Variants in TET3 observed in about 807,000 individuals in gnomAD.
TET3 encodes the protein tet methylcytosine dioxygenase 3.
Under a neutral mutation model 141.4 loss-of-function variants are expected in TET3, and 19 were observed. The ratio of observed to expected loss-of-function variants is 0.13; its 90% CI spans 0.09 to 0.20. The LOEUF (loss-of-function observed/expected upper bound fraction) is 0.20. Ranked by LOEUF, TET3 falls within the 10% of genes least tolerant of loss-of-function variation. The pLI, the probability that TET3 is intolerant of heterozygous loss-of-function variation, is 1.00. For synonymous variants in TET3, 1,043 were observed against 980.9 expected, an observed-to-expected ratio of 1.06 and a Z score of -1.18; for missense variants, 1,874 against 2,356.9, an observed-to-expected ratio of 0.80 and a Z score of 4.24.
At chr2:74,081,470 T>G (rs1689820305) in intron 6 of TET3, among the ~76,000 whole-genome samples, 1 of 152,214 alleles carries the variant, frequency 6.6e-6, no homozygotes, top group South Asian at 2.1e-4. Flanking sequence ...GACTTGATGC[T>G]GTGGTTCAGA....
Position 74,099,618 on chromosome 2 carries a change from T to TG in TET3, c.3604+12dup, listed in dbSNP as rs746574703. ...GGGCATTACGTCGGACCCAGGTGTG[T>TG]GGGGGGAGGGTGCCCGCTTGGAGTC... On this transcript the variant is annotated splice_region_variant and intron_variant, in intron 11 of 11. Transcript: ENST00000409262. 30 of 1,553,360 alleles carry TG rather than the reference T, an allele frequency of 1.9e-5. No individual in the cohort carries two copies. Among genetic ancestry groups the TG allele is most frequent in the Non-Finnish European group, 2.4e-5 (27 of 1,146,352 alleles).
At chr2:74,085,150 CAAAA>C (rs112733988) in intron 6 of TET3, among the ~76,000 whole-genome samples, 1 of 119,566 alleles carries the variant, frequency 8.4e-6, no homozygotes, top group Non-Finnish European at 1.9e-5. Context: ...TTTTCCACAG[CAAAA>C]AAAAAAAAAA....
At position 74,101,496 on chromosome 2, in the gene TET3, G is replaced by A. The variant is rs562883064; in HGVS notation, c.4708G>A (p.Ala1570Thr). 1.4e-4 allele frequency: 227 copies of A among 1,612,714 alleles called. No individual in the cohort carries two copies. The highest frequency in any genetic ancestry group is 1.8e-4 in the Non-Finnish European group (212 of 1,179,490). Reference protein sequence around the residue: ...MKGEEGRIPAAGASQLDRAWQ... With the variant: ...MKGEEGRIPATGASQLDRAWQ... ...AGGAGAGGAGGGCAGGATTCCAGCC[G>A]CAGGGGCCAGCCAGCTGGACAGGGC... The change falls in exon 12 of 12, where the codon GCA becomes ACA. Residue 1570 changes from alanine (A) to threonine (T), a missense_variant. Transcript: ENST00000409262. This position sits in a 1 kb window ranked among gnomAD's most constrained non-coding sequence, Gnocchi z 8.5.
chr2:74,000,919 A>G (rs1390833566), intron 2 of TET3, among the ~76,000 whole-genome samples: 2 of 152,034 alleles, frequency 1.3e-5, no homozygotes, highest in Non-Finnish European at 2.9e-5. Flanking sequence ...CAACCGTACT[A>G]GTTGTTCCTT....
downstream of TET3, among the ~76,000 whole-genome samples, chr2:74,111,635 G>A (rs1305213671): frequency 2.0e-5 from 3 of 152,182 alleles, no homozygotes; most frequent in African/African-American, 7.2e-5. Flanking sequence ...GTTGGACAAG[G>A]ACCACAGTAT....
At chr2:74,027,407 G>A (rs1025487404) in intron 3 of TET3, among the ~76,000 whole-genome samples, 2 of 150,456 alleles carry the variant, frequency 1.3e-5, no homozygotes, top group African/African-American at 4.9e-5. Context: ...CATTGGCAGT[G>A]TATAATTCAG....
intron 3 of TET3, among the ~76,000 whole-genome samples, chr2:74,037,346 A>C (rs1007107388): frequency 2.0e-5 from 3 of 152,234 alleles, no homozygotes; most frequent in Non-Finnish European, 4.4e-5. Context: ...TATTAGAGAG[A>C]GTGGGGCCAT....
chr2:74,084,934 C>CA lies in TET3; in HGVS notation c.2680-2887dup, dbSNP rs926306127. The stretch of plus-strand genomic sequence containing the variant: ...TGTGCAACAGAGCAAGACTCGGTCT[C>CA]AAAAAAAAAGAGAAACAGAGGCAGA... On this transcript the variant is annotated intron_variant, in intron 6 of 11. Transcript: ENST00000409262. Among the ~76,000 whole-genome samples the CA allele has an allele frequency of 1.8e-4, 27 of 148,980 alleles. No individual in the cohort carries two copies. In the East Asian group the frequency reaches 3.4e-3, roughly 18 times the overall value.
In TET3 at chr2:74,100,552, A is replaced by G; in HGVS notation, c.3764A>G (p.Asn1255Ser). ...NCRPSDPYSM[N>S]SVYSYHSYYA... ...CGGCCCTCCGACCCTTACAGCATGA[A>G]CAGCGTGTACTCCTACCACTCCTAC... is the stretch of plus-strand genomic sequence containing the variant. The change falls in exon 12 of 12, where the codon AAC becomes AGC. Residue 1255 changes from asparagine to serine, a missense_variant. This residue lies in a region of TET3 where 602 missense variants were observed against 590.2 expected (regional missense o/e 1.02). Transcript: ENST00000409262. 1 of 1,613,134 alleles carries G rather than the reference A, an allele frequency of 6.2e-7. No homozygotes were observed. The highest frequency in any genetic ancestry group is 1.3e-5 in the African/African-American group (1 of 75,028).
At chr2:73,992,084 A>G (rs368016801) in intron 2 of TET3, among the ~76,000 whole-genome samples, 2 of 152,126 alleles carry the variant, frequency 1.3e-5, no homozygotes, top group Non-Finnish European at 2.9e-5. Flanking sequence ...AAATGCTGAT[A>G]ACAATGTCTT....
intron 4 of TET3, among the ~76,000 whole-genome samples, chr2:74,057,402 A>G (rs1688276208): frequency 6.6e-6 from 1 of 152,234 alleles, no homozygotes; most frequent in Admixed American, 6.5e-5. Context: ...AGCCAGCCCC[A>G]GTTCTCCTAT....
chr2:74,007,847 A>G (rs1685222340), intron 3 of TET3, among the ~76,000 whole-genome samples: 2 of 152,194 alleles, frequency 1.3e-5, no homozygotes, highest in Non-Finnish European at 2.9e-5. Flanking sequence ...AAAAGATTGC[A>G]AAACTAAAAC....
intron 3 of TET3, among the ~76,000 whole-genome samples, chr2:74,036,181 G>C (rs753530908): frequency 1.3e-5 from 2 of 152,134 alleles, no homozygotes; most frequent in Non-Finnish European, 2.9e-5. Flanking sequence ...CCAATTTACA[G>C]GTGACAAAAC....
At chr2:74,080,056 T>C (rs1689720202) in intron 5 of TET3, among the ~76,000 whole-genome samples, 1 of 152,208 alleles carries the variant, frequency 6.6e-6, no homozygotes, top group African/African-American at 2.4e-5. Flanking sequence ...TCAAATGTCA[T>C]CTAGGGATTA....
chr2:74,013,864 A>G (rs186248374), intron 3 of TET3, among the ~76,000 whole-genome samples: 37 of 152,258 alleles, frequency 2.4e-4, no homozygotes, highest in Admixed American at 1.2e-3. Flanking sequence ...GGGTCTTTGC[A>G]GCTTTCTGAT....
At chr2:73,996,377 T>A (rs1274314577) in intron 2 of TET3, among the ~76,000 whole-genome samples, 1 of 152,176 alleles carries the variant, frequency 6.6e-6, no homozygotes, top group Non-Finnish European at 1.5e-5. Context: ...CCTTTAGAGT[T>A]GCTGTGGGCC....
At chr2:74,041,766 G>C (rs1687350985) in intron 3 of TET3, among the ~76,000 whole-genome samples, 1 of 152,180 alleles carries the variant, frequency 6.6e-6, no homozygotes, top group Non-Finnish European at 1.5e-5. Flanking sequence ...TGTGCCATCA[G>C]TTAGCTCTCA....
In TET3 at chr2:74,101,956, G is replaced by A. The variant is rs372024295; in HGVS notation, c.5168G>A (p.Arg1723Gln). Residue 1723 changes from arginine (R) to glutamine (Q), a missense_variant, in exon 12 of 12, where the codon CGG becomes CAG. Arg to Gln is a conservative substitution (Grantham distance 43, BLOSUM62 1). This residue lies in a region of TET3 where 113 missense variants were observed against 114.3 expected (regional missense o/e 0.99). Coordinates refer to ENST00000409262, the MANE Select transcript of TET3 (RefSeq NM_001287491.2). The surrounding 1 kb of genome is among the most constrained non-coding windows in gnomAD (Gnocchi z 8.5). ...MKQLAERARA[R>Q]QEEAARLGLG... ...CAGCTGGCGGAGAGGGCACGGGCAC[G>A]GCAGGAGGAGGCTGCCCGGCTGGGC... 9.9e-6 allele frequency: 16 copies of A among 1,609,834 alleles called. No individual in the cohort carries two copies. Among genetic ancestry groups the A allele is most frequent in the East Asian group, 4.5e-5 (2 of 44,760 alleles).
chr2:74,022,867 C>T (rs955989919), intron 3 of TET3, among the ~76,000 whole-genome samples: 3 of 152,184 alleles, frequency 2.0e-5, no homozygotes, highest in African/African-American at 7.2e-5. Flanking sequence ...ACCTCCACCT[C>T]CCAGTTCAAG....
Sources: allele counts gnomAD v4.1 joint callset (sites outside exome capture counted in the v4.1 genomes callset), GRCh38; gene constraint gnomAD v4.1.1; regional missense constraint gnomAD v4.1.1; non-coding constraint Gnocchi (gnomAD v3.1); transcripts MANE v1.5; gene names NCBI Gene and HGNC (gene_info 2026-07-23, HGNC 2026-07-21).